The following PCDH15 variants were observed in gnomAD, a reference collection of about 807,000 sequenced individuals.
The protein encoded by PCDH15 is protocadherin related 15, also known as protocadherin-15.
PCDH15 carries 129 observed loss-of-function variants against 178.5 expected under a neutral mutation model. The ratio of observed to expected loss-of-function variants is 0.72; its 90% CI spans 0.63 to 0.84. The LOEUF (loss-of-function observed/expected upper bound fraction) is 0.84. Ranked by LOEUF, PCDH15 falls within the 40% of genes least tolerant of loss-of-function variation. The pLI is 0.00. For missense variants in PCDH15, 2,230 were observed against 2,099.9 expected (o/e 1.06, Z -1.21); for synonymous variants, 800 against 732.0 (o/e 1.09, Z -1.50).
intron 3 of PCDH15, among the ~76,000 whole-genome samples, chr10:54,477,520 G>A (rs750455057): frequency 6.6e-6 from 1 of 152,196 alleles, no homozygotes; most frequent in Non-Finnish European, 1.5e-5. Flanking sequence ...TGCACACAGA[G>A]TATGGCATAG....
rs570299210 is a variant in PCDH15 at position 54,744,402 on chromosome 10, TAAAC to T, written c.-29+56519_-29+56522del. The stretch of plus-strand genomic sequence containing the variant: ...TCCAGTAAGATTTTGAATAATCTGT[TAAAC>T]AAATAAATAGTACACATACATATAC... On this transcript the variant is annotated intron_variant, in intron 1 of 37. Transcript: ENST00000644397. 1.7e-3 allele frequency among the ~76,000 whole-genome samples: 262 copies of T among 152,224 alleles called. 1 individual carries two copies. Among genetic ancestry groups the T allele is most frequent in the Non-Finnish European group, 3.2e-3 (220 of 67,998 alleles).
At chr10:54,611,636 G>A (rs1468705434) in intron 2 of PCDH15, among the ~76,000 whole-genome samples, 1 of 151,792 alleles carries the variant, frequency 6.6e-6, no homozygotes, top group African/African-American at 2.4e-5. Context: ...TACATATCTA[G>A]AGAGACAAGA....
rs372999067 is a variant in PCDH15 at position 54,317,437 on chromosome 10, C to T, written c.710G>A (p.Arg237His). ...TCGCCTCTCATTCAGATTTTGGGCACGGTCCTGTTAGGGAGAAAAACAAAC... is the reference window on the plus strand; with the variant it reads ...TCGCCTCTCATTCAGATTTTGGGCATGGTCCTGTTAGGGAGAAAAACAAAC... ...RYFVIIQANDRAQNLNERRTT... is the reference protein window; with the variant it reads ...RYFVIIQANDHAQNLNERRTT... The change falls in exon 8 of 38, where the codon CGT (arginine) becomes CAT (histidine). Residue 237 changes from arginine to histidine, a missense_variant. Physicochemically the swap from Arg to His is conservative, Grantham distance 29. Transcript: ENST00000644397. 2.2e-5 allele frequency: 36 copies of T among 1,613,516 alleles called. No individual in the cohort carries two copies. The highest frequency in any genetic ancestry group is 8.3e-5 in the Admixed American group (5 of 59,944).
At chr10:54,516,413 G>C (rs2082224319) in intron 3 of PCDH15, among the ~76,000 whole-genome samples, 1 of 152,078 alleles carries the variant, frequency 6.6e-6, no homozygotes, top group South Asian at 2.1e-4. Flanking sequence ...CGTGAAGAAT[G>C]CAGAAGCCTC....
At chr10:53,968,741 G>C (rs933582355) in intron 21 of PCDH15, among the ~76,000 whole-genome samples, 4 of 152,114 alleles carry the variant, frequency 2.6e-5, no homozygotes, top group Non-Finnish European at 4.4e-5. Context: ...AGGCAAACAC[G>C]GTCTGGAGTG....
chr10:54,067,400 A>G (rs1229288446), intron 17 of PCDH15, among the ~76,000 whole-genome samples: 1 of 152,210 alleles, frequency 6.6e-6, no homozygotes, highest in Non-Finnish European at 1.5e-5. Context: ...TTAAACCAAG[A>G]GTTTGAGTAC....
At chr10:54,365,603 T>C (rs1436061939) in intron 5 of PCDH15, among the ~76,000 whole-genome samples, 4 of 152,080 alleles carry the variant, frequency 2.6e-5, no homozygotes, top group Non-Finnish European at 5.9e-5. Context: ...TCAAAATAAA[T>C]TTTGGGGGGT....
At chr10:53,812,181 T>C (rs2075890361) in intron 35 of PCDH15, among the ~76,000 whole-genome samples, 1 of 152,160 alleles carries the variant, frequency 6.6e-6, no homozygotes, top group Admixed American at 6.5e-5. Context: ...AACATACTGC[T>C]GATTCTAAAT....
chr10:55,542,508 G>T (rs1255630883), intron 2 of PCDH15, among the ~76,000 whole-genome samples: 3 of 150,466 alleles, frequency 2.0e-5, no homozygotes, highest in African/African-American at 7.3e-5. Context: ...CATATGTACA[G>T]TATGTATATA....
intron 21 of PCDH15, among the ~76,000 whole-genome samples, chr10:53,974,629 C>G (rs1030963604): frequency 6.6e-6 from 1 of 152,124 alleles, no homozygotes; most frequent in African/African-American, 2.4e-5. Flanking sequence ...CTGGAACACT[C>G]TTTATATGGG....
At chr10:54,381,126 A>C (rs1463717689) in intron 3 of PCDH15, among the ~76,000 whole-genome samples, 1 of 151,970 alleles carries the variant, frequency 6.6e-6, no homozygotes, top group Non-Finnish European at 1.5e-5. Context: ...TTTAGGGGAG[A>C]GAGAGAGAAG....
At chr10:55,125,858 G>A (rs1837886306) in intron 2 of PCDH15, among the ~76,000 whole-genome samples, 1 of 152,078 alleles carries the variant, frequency 6.6e-6, no homozygotes, top group Non-Finnish European at 1.5e-5. Context: ...TAGCTTGGTA[G>A]GCATAGCTTC....
chr10:55,597,584 T>C (rs962905053), intron 2 of PCDH15, among the ~76,000 whole-genome samples: 1 of 152,210 alleles, frequency 6.6e-6, no homozygotes, highest in African/African-American at 2.4e-5. Flanking sequence ...TTAATACTTA[T>C]ATAATACTTC....
intron 2 of PCDH15, among the ~76,000 whole-genome samples, chr10:55,559,287 A>G (rs1842147725): frequency 6.6e-6 from 1 of 152,048 alleles, no homozygotes; most frequent in African/African-American, 2.4e-5. Context: ...CAAACTTCAC[A>G]TTGAATAACA....
chr10:55,262,755 G>A (rs1430752819), intron 1 of PCDH15, among the ~76,000 whole-genome samples: 1 of 152,166 alleles, frequency 6.6e-6, no homozygotes, highest in Non-Finnish European at 1.5e-5. Context: ...AAGCCCATGT[G>A]TGGCCTGATT....
chr10:54,135,389 A>C (rs1590708028), intron 14 of PCDH15, among the ~76,000 whole-genome samples: 1 of 152,306 alleles, frequency 6.6e-6, no homozygotes, highest in African/African-American at 2.4e-5. Context: ...AAATGGGTTC[A>C]AACTGATGAT....
intron 13 of PCDH15, among the ~76,000 whole-genome samples, chr10:54,159,668 C>A (rs2045515298): frequency 1.3e-5 from 2 of 151,836 alleles, no homozygotes; most frequent in African/African-American, 2.4e-5. Flanking sequence ...TTTGAGATAC[C>A]ATGTAATCAT....
At chr10:54,099,662 A>G (rs1005203608) in intron 15 of PCDH15, among the ~76,000 whole-genome samples, 14 of 151,796 alleles carry the variant, frequency 9.2e-5, no homozygotes, top group Admixed American at 7.9e-4. Context: ...TTAATCACAC[A>G]ATATTCTGAA....
At chr10:55,326,238 T>C (rs1844027649) in intron 2 of PCDH15, among the ~76,000 whole-genome samples, 1 of 152,136 alleles carries the variant, frequency 6.6e-6, no homozygotes, top group Non-Finnish European at 1.5e-5. Flanking sequence ...ATTGTGTGTA[T>C]ACCCAAAGGG....
Sources: allele counts gnomAD v4.1 joint callset (sites outside exome capture counted in the v4.1 genomes callset), GRCh38; gene constraint gnomAD v4.1.1; transcripts MANE v1.5; gene names NCBI Gene and HGNC (gene_info 2026-07-23, HGNC 2026-07-21).